Variants in ACTR6 observed in about 807,000 individuals in gnomAD.
ACTR6 encodes the protein actin related protein 6.
A neutral mutation model predicts 52.5 loss-of-function variants in ACTR6; 50 were observed. That is an observed-to-expected ratio of 0.95 (90% CI 0.76 to 1.20). The LOEUF is 1.20. Among genes scored for constraint, ACTR6 ranks in the 50% most tolerant of loss-of-function variants. The pLI is 0.00. For missense variants in ACTR6, 344 were observed against 472.4 expected, an observed-to-expected ratio of 0.73 and a Z score of 2.52; for synonymous variants, 135 against 147.2, an observed-to-expected ratio of 0.92 and a Z score of 0.60.
At chr12:100,209,450 G>C (rs1181105909) in intron 4 of ACTR6, among the ~76,000 whole-genome samples, 1 of 152,230 alleles carries the variant, frequency 6.6e-6, no homozygotes. Flanking sequence ...GAGCCCGGGA[G>C]GTGGAGGTTG....
rs1314682361 is a variant in ACTR6, at chr12:100,222,121, ATT to A, written c.1062-1661_1062-1660del. ...AGGTACATGCCATCATGCCTGGCTA[ATT>A]TTTGTATTTTTAGTAGAGATGGGGT... On this transcript the variant is annotated intron_variant, in intron 10 of 10. Transcript: ENST00000188312. Among the ~76,000 whole-genome samples, 3 of 151,310 alleles carry A rather than the reference ATT, an allele frequency of 2.0e-5. No individual in the cohort carries two copies. In the East Asian group the frequency reaches 5.9e-4, roughly 30 times the overall value.
intron 3 of ACTR6, among the ~76,000 whole-genome samples, chr12:100,206,432 T>C (rs532929387): frequency 1.3e-5 from 2 of 152,192 alleles, no homozygotes; most frequent in South Asian, 2.1e-4. Context: ...AAGCCGAGAT[T>C]GCACTACTGG....
In ACTR6 at chr12:100,205,011, A is replaced by G; in HGVS notation, c.140A>G (p.Glu47Gly). The G allele has an allele frequency of 1.2e-6, 2 of 1,612,190 alleles. No individual in the cohort carries two copies. Among genetic ancestry groups the G allele is most frequent in the Non-Finnish European group, 1.7e-6 (2 of 1,178,584 alleles). The change falls in exon 2 of 11, where the codon GAA (glutamate) becomes GGA (glycine). Residue 47 changes from glutamate to glycine, a missense_variant. By Grantham distance (98) the Glu-to-Gly change is moderately conservative. Coordinates refer to ENST00000188312, the MANE Select transcript of ACTR6 (RefSeq NM_022496.5). ...LKTFTANQID[E>G]IKDPSGLFYI... ...ACTTTTACTGCCAACCAGATAGATG[A>G]AATAAAAGACCCTTCTGGACTCTTT... is the stretch of plus-strand genomic sequence containing the variant.
At chr12:100,202,334 T>A (rs2096110440) in intron 1 of ACTR6, among the ~76,000 whole-genome samples, 1 of 152,098 alleles carries the variant, frequency 6.6e-6, no homozygotes, top group Non-Finnish European at 1.5e-5. Context: ...GGAAGCTAAA[T>A]AATCAGGAAT....
chr12:100,216,363 A>G (rs1005000322), intron 8 of ACTR6, among the ~76,000 whole-genome samples: 1 of 152,206 alleles, frequency 6.6e-6, no homozygotes, highest in Non-Finnish European at 1.5e-5. Context: ...TACCACGCTC[A>G]TCTATGTTGC....
intron 3 of ACTR6, among the ~76,000 whole-genome samples, chr12:100,206,878 C>T (rs1482292616): frequency 2.7e-5 from 4 of 148,214 alleles, no homozygotes; most frequent in African/African-American, 5.0e-5. Flanking sequence ...TGGGGTTTCA[C>T]CGTGTTGGCC....
chr12:100,205,471 A>G lies in ACTR6; in HGVS notation c.187-205A>G, dbSNP rs952524084. 6 of 338,820 alleles carry G rather than the reference A, an allele frequency of 1.8e-5. No homozygotes were observed. In the East Asian group the frequency reaches 2.6e-4, roughly 15 times the overall value. 21.0% of individuals were successfully genotyped at this position (338,820 alleles called of 1,614,324 possible). A position where few individuals can be genotyped will look rare whatever the true frequency, so the allele number is the denominator to read the frequency against. On this transcript the variant is annotated intron_variant, in intron 2 of 10. Coordinates refer to ENST00000188312, the MANE Select transcript of ACTR6 (RefSeq NM_022496.5). ...GTAAACCTGCACGTTCTGCACATGTATCCCAGAATTTAAAGTATAATAAAA... is the reference window on the plus strand; with the variant it reads ...GTAAACCTGCACGTTCTGCACATGTGTCCCAGAATTTAAAGTATAATAAAA...
rs760035505 is a variant in ACTR6, at chr12:100,210,317, T to G, written c.538T>G (p.Leu180Val). ...IIRINVGGKL[L>V]TNHLKEIISY... ...CAGGATAAATGTGGGAGGAAAACTC[T>G]TAACCAATCATCTAAAGGAGATCAT... The change falls in exon 6 of 11, where the codon TTA (leucine) becomes GTA (valine). Residue 180 changes from leucine to valine, a missense_variant. Transcript: ENST00000188312. The G allele has an allele frequency of 6.2e-7, 1 of 1,614,152 alleles. No homozygotes were observed. The highest frequency in any genetic ancestry group is 8.5e-7 in the Non-Finnish European group (1 of 1,179,990).
In ACTR6 at chr12:100,212,255, G is replaced by A; in HGVS notation, c.573-1G>A. 6.4e-7 allele frequency: 1 copy of A among 1,564,288 alleles called. No homozygotes were observed. The highest frequency in any genetic ancestry group is 1.2e-5 in the South Asian group (1 of 82,682). Reference sequence around the variant, plus strand: ...AATTTTACAACTTTTATTTCTGTTAGGCAGCTACATGTTATGGATGAAACA... The same window carrying A: ...AATTTTACAACTTTTATTTCTGTTAAGCAGCTACATGTTATGGATGAAACA... On this transcript the variant is annotated splice_acceptor_variant, in intron 6 of 10. Transcript: ENST00000188312. LOFTEE classifies it high-confidence loss of function.
rs1467090594 is a variant in ACTR6 at position 100,218,015 on chromosome 12, G to GT, written c.751-394dup. ...TTCTTTGTATTTTAATTTTTGTTTTGTTTTTTAAGAGACGGGGGTCTCGCT... is the reference window on the plus strand; with the variant it reads ...TTCTTTGTATTTTAATTTTTGTTTTGTTTTTTTAAGAGACGGGGGTCTCGCT... On this transcript the variant is annotated intron_variant, in intron 8 of 10. Coordinates refer to ENST00000188312, the MANE Select transcript of ACTR6 (RefSeq NM_022496.5). The surrounding 1 kb of genome is among the most constrained non-coding windows in gnomAD (Gnocchi z 4.2). Among the ~76,000 whole-genome samples, 1 of 151,772 alleles carries GT rather than the reference G, an allele frequency of 6.6e-6. No homozygotes were observed. Among genetic ancestry groups the GT allele is most frequent in the South Asian group, 2.1e-4 (1 of 4,812 alleles).
intron 4 of ACTR6, chr12:100,208,677 T>C (rs1439856621): frequency 1.8e-5 from 8 of 455,574 alleles, no homozygotes; most frequent in South Asian, 3.1e-5. Context: ...TGGCCACATA[T>C]TTCTTATTTC....
In ACTR6 at chr12:100,218,563, A is replaced by G. The variant is rs1210338940; in HGVS notation, c.899A>G (p.Tyr300Cys). ...ATGGGAATTCCAGAAGCTATTGTCT[A>G]TTCAATTCAAAATCTACCTGAAGGT... ...QEMGIPEAIV[Y>C]SIQNLPEEMQ... is the part of the protein sequence containing the mutation. Residue 300 changes from tyrosine to cysteine, a missense_variant, in exon 9 of 11, where the codon TAT (tyrosine) becomes TGT (cysteine). Tyr to Cys is a radical substitution (Grantham distance 194). Transcript: ENST00000188312. The surrounding 1 kb of genome is among the most constrained non-coding windows in gnomAD (Gnocchi z 4.2). 7 of 1,546,940 alleles carry G rather than the reference A, an allele frequency of 4.5e-6. No individual in the cohort carries two copies. The highest frequency in any genetic ancestry group is 6.1e-6 in the Non-Finnish European group (7 of 1,146,114).
chr12:100,220,087 C>A lies in ACTR6; in HGVS notation c.1002C>A (p.Tyr334Ter). The A allele has an allele frequency of 6.2e-7, 1 of 1,613,900 alleles. No individual in the cohort carries two copies. Among genetic ancestry groups the A allele is most frequent in the Non-Finnish European group, 8.5e-7 (1 of 1,179,920 alleles). The change falls in exon 10 of 11, where the codon TAC (tyrosine) becomes TAA (stop). Residue 334 changes from tyrosine to a stop codon, truncating the protein, a stop_gained. Coordinates refer to ENST00000188312, the MANE Select transcript of ACTR6 (RefSeq NM_022496.5). LOFTEE classifies it high-confidence loss of function. ...SLFPGFRDRV[Y>*]SEVRCLTPTD... ...TCCCAGGATTTAGGGATCGGGTTTA[C>A]TCAGAAGTTCGATGTCTTACTCCAA...
rs1311895690 is a variant in ACTR6 at position 100,218,212 on chromosome 12, T to C, written c.751-203T>C. Among the ~76,000 whole-genome samples the C allele has an allele frequency of 6.6e-6, 1 of 152,160 alleles. No homozygotes were observed. Among genetic ancestry groups the C allele is most frequent in the East Asian group, 1.9e-4 (1 of 5,192 alleles). On this transcript the variant is annotated intron_variant, in intron 8 of 10. Coordinates refer to ENST00000188312, the MANE Select transcript of ACTR6 (RefSeq NM_022496.5). The surrounding 1 kb of genome is among the most constrained non-coding windows in gnomAD (Gnocchi z 4.2). Reference sequence around the variant, plus strand: ...GAAGGAACAGCCATATTAGCGTCAGTAATTATTTAGTTGTGTTTTGTGTGA... The same window carrying C: ...GAAGGAACAGCCATATTAGCGTCAGCAATTATTTAGTTGTGTTTTGTGTGA...
chr12:100,209,544 C>T (rs763517938), intron 4 of ACTR6, among the ~76,000 whole-genome samples: 12 of 152,078 alleles, frequency 7.9e-5, no homozygotes, highest in African/African-American at 2.4e-4. Flanking sequence ...CATCCTACAA[C>T]GCATAGGAAA....
Position 100,210,009 on chromosome 12 carries a change from A to G in ACTR6, c.380-64A>G, listed in dbSNP as rs75634016. On this transcript the variant is annotated intron_variant, in intron 4 of 10. Coordinates refer to ENST00000188312, the MANE Select transcript of ACTR6 (RefSeq NM_022496.5). ...GTCTTGGTGCTTGTCTTTGTTTCCT[A>G]CCTTTTTAATTGCTTTAAATTAGTG... The G allele has an allele frequency of 1.4e-3, 1,959 of 1,432,800 alleles. 17 individuals are homozygous for G. The African/African-American group carries it at 0.023, about 16-fold the overall frequency. The allele number at this position is 1,432,800 out of a possible 1,614,324, so 88.8% of individuals were successfully genotyped here.
At chr12:100,201,276 CAA>C (rs1426628857) in intron 1 of ACTR6, among the ~76,000 whole-genome samples, 1 of 152,170 alleles carries the variant, frequency 6.6e-6, no homozygotes, top group Non-Finnish European at 1.5e-5. Context: ...TTCCTGGGTA[CAA>C]GATTATAGGT....
At chr12:100,208,867 C>T (rs999518272) in intron 4 of ACTR6, 1 of 442,930 alleles carries the variant, frequency 2.3e-6, no homozygotes, top group African/African-American at 2.0e-5. Context: ...CCGCCTCAGC[C>T]TCCCAAGTAG....
At chr12:100,202,969 G>A (rs375974953) in intron 1 of ACTR6, among the ~76,000 whole-genome samples, 1 of 152,166 alleles carries the variant, frequency 6.6e-6, no homozygotes, top group East Asian at 1.9e-4. Flanking sequence ...TGTGGTTGGG[G>A]GTATGAGTGT....
Sources: gnomAD v4.1 joint callset for allele counts (sites outside exome capture counted in the v4.1 genomes callset) on GRCh38, gnomAD v4.1.1 for gene constraint, Gnocchi (gnomAD v3.1) non-coding constraint, MANE v1.5 for transcripts, NCBI Gene and HGNC (gene_info 2026-07-23, HGNC 2026-07-21) for gene names.